SV2C: variants seen among roughly 807,000 people sequenced by gnomAD.
The protein encoded by SV2C is synaptic vesicle glycoprotein 2C, also known as solute carrier family 22 member B3.
SV2C carries 49 observed loss-of-function variants against 79.7 expected under a neutral mutation model. The ratio of observed to expected loss-of-function variants is 0.61; its 90% CI spans 0.49 to 0.78. The LOEUF (loss-of-function observed/expected upper bound fraction) is 0.78, where lower values mean the gene tolerates loss of function less well. Ranked by LOEUF, SV2C falls within the 30% of genes least tolerant of loss-of-function variation. SV2C has a pLI of 0.00. For synonymous variants in SV2C, 334 were observed against 333.2 expected (o/e 1.00, Z -0.03); for missense variants, 833 against 912.9 (o/e 0.91, Z 1.13).
the SV2C span, among the ~76,000 whole-genome samples, chr5:75,912,845 T>C: frequency 1.3e-5 from 2 of 152,236 alleles, no homozygotes; most frequent in African/African-American, 4.8e-5. Flanking sequence ...CAAAGTAAGG[T>C]ACTTTTGCTT....
the SV2C span, among the ~76,000 whole-genome samples, chr5:75,964,600 G>A: frequency 6.6e-6 from 1 of 152,092 alleles, no homozygotes; most frequent in Non-Finnish European, 1.5e-5. Context: ...TCCAAGACTG[G>A]AGGATCTCTG....
At chr5:76,048,298 T>C in the SV2C span, among the ~76,000 whole-genome samples, 1 of 152,172 alleles carries the variant, frequency 6.6e-6, no homozygotes, top group Non-Finnish European at 1.5e-5. Context: ...AGAGCACCGA[T>C]GTCCGAGGGC....
chr5:75,989,327 C>CATGT, the SV2C span, among the ~76,000 whole-genome samples: 1 of 151,284 alleles, frequency 6.6e-6, no homozygotes. Flanking sequence ...TGACAGGCCC[C>CATGT]ATGTGTCCAT....
At chr5:76,064,149 G>A in the SV2C span, among the ~76,000 whole-genome samples, 1 of 152,170 alleles carries the variant, frequency 6.6e-6, no homozygotes, top group Admixed American at 6.6e-5. Context: ...CCTCGCTGCT[G>A]CACAATGCAG....
the SV2C span, among the ~76,000 whole-genome samples, chr5:75,972,518 G>T: frequency 6.6e-6 from 1 of 152,012 alleles, no homozygotes; most frequent in Non-Finnish European, 1.5e-5. Context: ...CTGGGCGAAG[G>T]ATATGAACAG....
Position 76,298,804 on chromosome 5 carries a change from G to C in SV2C, c.1513G>C (p.Val505Leu), listed in dbSNP as rs778645466. 1.9e-6 allele frequency: 3 copies of C among 1,613,756 alleles called. No individual in the cohort carries two copies. In the East Asian group the frequency reaches 6.7e-5, roughly 36 times the overall value. ...MEYDNGRFIG[V>L]KFKSVTFKDS... ...CTGTGTGTTGGGCAGATTCATAGGG[G>C]TCAAGTTCAAATCTGTAACTTTCAA... Residue 505 changes from valine to leucine, a missense_variant, in exon 10 of 13, where the codon GTC becomes CTC. Coordinates refer to ENST00000502798, the MANE Select transcript of SV2C (RefSeq NM_014979.4).
intron 12 of SV2C, among the ~76,000 whole-genome samples, chr5:76,306,050 T>TG (rs1225165279): frequency 6.6e-6 from 1 of 152,046 alleles, no homozygotes; most frequent in Non-Finnish European, 1.5e-5. Flanking sequence ...GGGGGAAGGA[T>TG]GGGGTCTCCC....
chr5:75,910,483 T>G, the SV2C span: 1 of 606,908 alleles, frequency 1.6e-6, no homozygotes, highest in African/African-American at 1.8e-5. Flanking sequence ...GGTCCTTGTA[T>G]AGCTTGTGGT....
At chr5:75,934,198 C>A in the SV2C span, among the ~76,000 whole-genome samples, 2 of 152,072 alleles carry the variant, frequency 1.3e-5, no homozygotes, top group East Asian at 3.9e-4. Flanking sequence ...CACCTTAATT[C>A]TTCACTGCAT....
At chr5:76,338,593 C>A (rs1324696189), downstream of SV2C, among the ~76,000 whole-genome samples, 1 of 152,122 alleles carries the variant, frequency 6.6e-6, no homozygotes, top group East Asian at 1.9e-4. Flanking sequence ...TGTGCTATTG[C>A]CCCCTCTTCA....
At chr5:76,339,362 T>C (rs1749393214) in intron 12 of SV2C, among the ~76,000 whole-genome samples, 1 of 152,248 alleles carries the variant, frequency 6.6e-6, no homozygotes, top group African/African-American at 2.4e-5. Flanking sequence ...ATTGCCTATA[T>C]AGAGAATAGA....
chr5:76,010,976 A>G, the SV2C span, among the ~76,000 whole-genome samples: 1 of 152,178 alleles, frequency 6.6e-6, no homozygotes, highest in Admixed American at 6.6e-5. Flanking sequence ...TTGCTAGCCT[A>G]TGAAGCAAAG....
the SV2C span, among the ~76,000 whole-genome samples, chr5:76,019,228 C>T: frequency 6.6e-6 from 1 of 152,034 alleles, no homozygotes; most frequent in East Asian, 1.9e-4. Flanking sequence ...GGTGGTAGTA[C>T]AAAGGTACTG....
intron 12 of SV2C, among the ~76,000 whole-genome samples, chr5:76,348,939 C>T (rs1344566847): frequency 6.6e-6 from 1 of 152,062 alleles, no homozygotes; most frequent in African/African-American, 2.4e-5. Context: ...GCAGAGTTTG[C>T]AGCGAGCCGA....
chr5:76,163,666 T>G (rs1363572603), intron 2 of SV2C, among the ~76,000 whole-genome samples: 2 of 152,140 alleles, frequency 1.3e-5, no homozygotes, highest in Non-Finnish European at 2.9e-5. Flanking sequence ...CTCTTTGAGG[T>G]CTTTTTCTTT....
At chr5:76,089,195 C>T (rs1747292615) in intron 1 of SV2C, among the ~76,000 whole-genome samples, 1 of 152,146 alleles carries the variant, frequency 6.6e-6, no homozygotes, top group Admixed American at 6.5e-5. Flanking sequence ...CCCTCCCCAA[C>T]AGGCCCCAGT....
chr5:76,039,854 G>T, the SV2C span, among the ~76,000 whole-genome samples: 1 of 152,002 alleles, frequency 6.6e-6, no homozygotes, highest in Non-Finnish European at 1.5e-5. Context: ...TAGAAGAACA[G>T]TCAATGCCCT....
chr5:76,021,479 C>T, the SV2C span, among the ~76,000 whole-genome samples: 1 of 152,212 alleles, frequency 6.6e-6, no homozygotes, highest in Non-Finnish European at 1.5e-5. Context: ...AGCTGCCTTC[C>T]TGACAACTCT....
the SV2C span, among the ~76,000 whole-genome samples, chr5:75,977,916 A>G: frequency 6.6e-6 from 1 of 152,188 alleles, no homozygotes; most frequent in African/African-American, 2.4e-5. Flanking sequence ...ACTGTATGGT[A>G]GCTTCCATTT....
Sources: allele counts gnomAD v4.1 joint callset (sites outside exome capture counted in the v4.1 genomes callset), GRCh38; gene constraint gnomAD v4.1.1; transcripts MANE v1.5; gene names NCBI Gene and HGNC (gene_info 2026-07-23, HGNC 2026-07-21).